Variants in PXYLP1 observed in about 807,000 individuals in gnomAD.
PXYLP1 encodes 2-phosphoxylose phosphatase 1.
A neutral mutation model predicts 37.9 loss-of-function variants in PXYLP1; 17 were observed. That is an observed-to-expected ratio of 0.45 (90% CI 0.31 to 0.67). The LOEUF (loss-of-function observed/expected upper bound fraction) is 0.67. PXYLP1 is among the 30% of genes least tolerant of loss of function. The pLI, the probability that PXYLP1 is intolerant of heterozygous loss-of-function variation, is 0.07. For synonymous variants in PXYLP1, 221 were observed against 232.2 expected (o/e 0.95, Z 0.44); for missense variants, 511 against 612.0 (o/e 0.84, Z 1.74).
At chr3:141,269,153 G>C (rs1941603485) in intron 2 of PXYLP1, among the ~76,000 whole-genome samples, 1 of 152,250 alleles carries the variant, frequency 6.6e-6, no homozygotes, top group Non-Finnish European at 1.5e-5. Context: ...ACAGAAGGCA[G>C]ACAACCCACC....
At position 141,242,486 on chromosome 3, in the gene PXYLP1, G is replaced by T. The variant is rs571926094; in HGVS notation, c.-54+10575G>T. ...GGCTGAGCCAGGGTTTAGCAAAGCT[G>T]TCAGCTGCCTTGATTGTGATGAATG... On this transcript the variant is annotated intron_variant, in intron 1 of 5. Coordinates refer to ENST00000286353, the MANE Select transcript of PXYLP1 (RefSeq NM_001037172.3). Among the ~76,000 whole-genome samples the T allele has an allele frequency of 2.7e-4, 41 of 152,350 alleles. No homozygotes were observed. In the East Asian group the frequency reaches 2.7e-3, roughly 10 times the overall value.
intron 4 of PXYLP1, 42 bp from the exon 5 acceptor site, chr3:141,287,272 G>A (rs762405010): frequency 1.4e-5 from 23 of 1,600,544 alleles, no homozygotes; most frequent in Non-Finnish European, 2.0e-5. Flanking sequence ...TTGGATTCTT[G>A]TGGAGCACTC....
intron 2 of PXYLP1, among the ~76,000 whole-genome samples, chr3:141,271,797 C>T (rs1334827263): frequency 6.6e-6 from 1 of 152,160 alleles, no homozygotes; most frequent in East Asian, 1.9e-4. Context: ...AGCACAGCTG[C>T]CTAGAGTCAG....
chr3:141,271,152 G>T (rs1317887754), intron 2 of PXYLP1, among the ~76,000 whole-genome samples: 2 of 152,186 alleles, frequency 1.3e-5, no homozygotes, highest in African/African-American at 4.8e-5. Context: ...TGATCTGTAG[G>T]TATCATCACC....
At position 141,292,634 on chromosome 3, in the gene PXYLP1, C is replaced by G; in HGVS notation, c.872C>G (p.Ala291Gly). 1.2e-6 allele frequency: 2 copies of G among 1,613,664 alleles called. No homozygotes were observed. Among genetic ancestry groups the G allele is most frequent in the South Asian group, 2.2e-5 (2 of 91,018 alleles). ...GATGTCCCCACCAAGCAGCTTAGAG[C>G]TGCCAACCCCATAGACTCCATGCTC... ...IVDVPTKQLRAANPIDSMLCH... is the reference protein window; with the variant it reads ...IVDVPTKQLRGANPIDSMLCH... The change falls in exon 6 of 6, where the codon GCT (alanine) becomes GGT (glycine). Residue 291 changes from alanine (A) to glycine (G), a missense_variant. Physicochemically the swap from Ala to Gly is moderately conservative, Grantham distance 60. Transcript: ENST00000286353. This position sits in a 1 kb window ranked among gnomAD's most constrained non-coding sequence, Gnocchi z 4.3.
At chr3:141,248,010 G>T (rs1192558668) in intron 1 of PXYLP1, among the ~76,000 whole-genome samples, 1 of 136,414 alleles carries the variant, frequency 7.3e-6, no homozygotes, top group Non-Finnish European at 1.5e-5. Context: ...GAGCTTTTAA[G>T]AGTTTTTGTT....
intron 2 of PXYLP1, among the ~76,000 whole-genome samples, chr3:141,263,502 T>G (rs114777352): frequency 6.6e-6 from 1 of 152,166 alleles, no homozygotes; most frequent in Non-Finnish European, 1.5e-5. Context: ...AGTGGAAAAA[T>G]AACTTCAAAT....
chr3:141,280,274 C>T (rs6786620), intron 4 of PXYLP1, among the ~76,000 whole-genome samples: 7,842 of 152,254 alleles, frequency 0.052, 272 homozygotes, highest in South Asian at 0.1. Context: ...CAGCCTGCCC[C>T]GGGAGGGCGA....
In PXYLP1 at chr3:141,292,161, A is replaced by T; in HGVS notation, c.506-107A>T. On this transcript the variant is annotated intron_variant, in intron 5 of 5. Coordinates refer to ENST00000286353, the MANE Select transcript of PXYLP1 (RefSeq NM_001037172.3). The surrounding 1 kb of genome is among the most constrained non-coding windows in gnomAD (Gnocchi z 4.3). ...ACCATGGGGAAACAGGCTGGATGCC[A>T]TTCTCTTGCCCTAAAACACTCCAGA... 1 of 1,083,546 alleles carries T rather than the reference A, an allele frequency of 9.2e-7. No individual in the cohort carries two copies. Among genetic ancestry groups the T allele is most frequent in the Middle Eastern group, 3.2e-4 (1 of 3,166 alleles). The allele number at this position is 1,083,546 out of a possible 1,614,324, so 67.1% of individuals were successfully genotyped here.
intron 1 of PXYLP1, among the ~76,000 whole-genome samples, chr3:141,243,316 T>C (rs1940857368): frequency 6.6e-6 from 1 of 152,188 alleles, no homozygotes; most frequent in African/African-American, 2.4e-5. Flanking sequence ...AGGCTGTATC[T>C]ATCAGCAGCT....
chr3:141,239,519 A>T (rs1290066036), intron 1 of PXYLP1, among the ~76,000 whole-genome samples: 2 of 43,826 alleles, frequency 4.6e-5, no homozygotes, highest in Non-Finnish European at 7.6e-5. Flanking sequence ...GCAGCATATG[A>T]TTTTTTTTCT....
chr3:141,254,897 A>T (rs1158500372), intron 1 of PXYLP1, among the ~76,000 whole-genome samples: 1 of 152,194 alleles, frequency 6.6e-6, no homozygotes, highest in Non-Finnish European at 1.5e-5. Flanking sequence ...GGTCATGTTT[A>T]AAACCCTAAA....
At chr3:141,248,460 C>T (rs1337026269) in intron 1 of PXYLP1, among the ~76,000 whole-genome samples, 1 of 151,122 alleles carries the variant, frequency 6.6e-6, no homozygotes, top group East Asian at 1.9e-4. Context: ...CTACCTGTCA[C>T]TTTATAAGTG....
chr3:141,251,528 G>A (rs1040128600), intron 1 of PXYLP1, among the ~76,000 whole-genome samples: 2 of 152,206 alleles, frequency 1.3e-5, no homozygotes, highest in Non-Finnish European at 2.9e-5. Context: ...CTAAAATCCA[G>A]AGGGTTCTGT....
intron 4 of PXYLP1, among the ~76,000 whole-genome samples, chr3:141,281,805 C>T (rs1941962840): frequency 6.6e-6 from 1 of 152,144 alleles, no homozygotes; most frequent in Non-Finnish European, 1.5e-5. Flanking sequence ...GACAGCTTGG[C>T]ACATTGGGGC....
chr3:141,290,816 A>G (rs1942183477), intron 5 of PXYLP1, among the ~76,000 whole-genome samples: 1 of 152,156 alleles, frequency 6.6e-6, no homozygotes, highest in African/African-American at 2.4e-5. Context: ...AAAATATAAT[A>G]ATATACCTTC....
chr3:141,265,290 C>T (rs1257065329), intron 2 of PXYLP1, among the ~76,000 whole-genome samples: 2 of 151,728 alleles, frequency 1.3e-5, no homozygotes, highest in East Asian at 3.9e-4. Flanking sequence ...TTCCAAAGCA[C>T]CTTCATCAGA....
Position 141,292,986 on chromosome 3 carries a change from G to C in PXYLP1, c.1224G>C (p.Trp408Cys), listed in dbSNP as rs374018205. The stretch of plus-strand genomic sequence containing the variant: ...CAGCCAGGTTGATCTTTGAGCTTTG[G>C]CAAGACAGAGAAAAGCCCAGTGAAC... ...RFAARLIFEL[W>C]QDREKPSEHS... The change falls in exon 6 of 6, where the codon TGG (tryptophan) becomes TGC (cysteine). Residue 408 changes from tryptophan (W) to cysteine (C), a missense_variant. Coordinates refer to ENST00000286353, the MANE Select transcript of PXYLP1 (RefSeq NM_001037172.3). The surrounding 1 kb of genome is among the most constrained non-coding windows in gnomAD (Gnocchi z 4.3). 1 of 1,614,044 alleles carries C rather than the reference G, an allele frequency of 6.2e-7. No individual in the cohort carries two copies. The highest frequency in any genetic ancestry group is 1.3e-5 in the African/African-American group (1 of 74,892).
intron 1 of PXYLP1, among the ~76,000 whole-genome samples, chr3:141,248,023 G>GTTTTTTTT (rs55888415): frequency 4.6e-4 from 56 of 122,856 alleles, no homozygotes; most frequent in Middle Eastern, 4.2e-3. Context: ...TTTTTGTTTT[G>GTTTTTTTT]TTTTTTTTTT....
Sources: gnomAD v4.1 joint callset for allele counts (sites outside exome capture counted in the v4.1 genomes callset) on GRCh38, gnomAD v4.1.1 for gene constraint, Gnocchi (gnomAD v3.1) non-coding constraint, MANE v1.5 for transcripts, NCBI Gene and HGNC (gene_info 2026-07-23, HGNC 2026-07-21) for gene names.